Variants in ACADM observed in about 807,000 individuals in gnomAD.
ACADM encodes the protein medium-chain specific acyl-CoA dehydrogenase, mitochondrial.
ACADM carries 49 observed loss-of-function variants against 58.9 expected under a neutral mutation model. That is an observed-to-expected ratio of 0.83 (90% CI 0.66 to 1.06). The LOEUF (loss-of-function observed/expected upper bound fraction) is 1.06. ACADM is among the 50% of genes least tolerant of loss of function. The probability of loss-of-function intolerance (pLI) is 0.00; values close to 1 mark genes in which losing one functional copy is unlikely to be tolerated. For missense variants in ACADM, 496 were observed against 507.0 expected (o/e 0.98, Z 0.21); for synonymous variants, 160 against 157.7 (o/e 1.01, Z -0.11).
chr1:75,728,793 T>G (rs1268714482), intron 2 of ACADM, among the ~76,000 whole-genome samples: 1 of 152,226 alleles, frequency 6.6e-6, no homozygotes, highest in East Asian at 1.9e-4. Context: ...AGTCTTCAAC[T>G]TACATATCTG....
intron 7 of ACADM, among the ~76,000 whole-genome samples, chr1:75,742,764 T>C (rs1481279709): frequency 6.6e-6 from 1 of 152,162 alleles, no homozygotes; most frequent in African/African-American, 2.4e-5. Flanking sequence ...TCTCCTTCTA[T>C]GATGATTACA....
intron 1 of ACADM, among the ~76,000 whole-genome samples, chr1:75,726,675 A>G (rs1647062360): frequency 6.6e-6 from 1 of 152,190 alleles, no homozygotes; most frequent in African/African-American, 2.4e-5. Context: ...AAAGTGGAAT[A>G]AAAGTAATGG....
At chr1:75,726,309 C>T (rs1647055162) in intron 1 of ACADM, among the ~76,000 whole-genome samples, 1 of 148,934 alleles carries the variant, frequency 6.7e-6, no homozygotes, top group African/African-American at 2.5e-5. Flanking sequence ...GCTGAGTCTG[C>T]AGTGAGCGGA....
At chr1:75,734,230 C>T (rs1203928726) in intron 5 of ACADM, among the ~76,000 whole-genome samples, 2 of 144,680 alleles carry the variant, frequency 1.4e-5, no homozygotes, top group Non-Finnish European at 3.0e-5. Context: ...GTGGCGCGAT[C>T]TCAGCTCACT....
chr1:75,759,410 G>A (rs1027142883), intron 10 of ACADM, among the ~76,000 whole-genome samples: 20 of 152,212 alleles, frequency 1.3e-4, no homozygotes, highest in African/African-American at 4.6e-4. Context: ...AAGACAGCAC[G>A]TTGGAGATCC....
intron 1 of ACADM, among the ~76,000 whole-genome samples, chr1:75,726,685 G>A (rs536224859): frequency 1.3e-5 from 2 of 152,112 alleles, no homozygotes; most frequent in African/African-American, 4.8e-5. Context: ...AAAAGTAATG[G>A]CTTAATCCTA....
At chr1:75,728,940 C>T (rs1207279060) in intron 2 of ACADM, among the ~76,000 whole-genome samples, 2 of 152,090 alleles carry the variant, frequency 1.3e-5, no homozygotes, top group Admixed American at 6.6e-5. Context: ...ACTCCTGGGA[C>T]CAGGGAGCCA....
chr1:75,727,373 G>C (rs1647073330), intron 1 of ACADM, among the ~76,000 whole-genome samples: 1 of 152,112 alleles, frequency 6.6e-6, no homozygotes, highest in Non-Finnish European at 1.5e-5. Flanking sequence ...TTCTTCAGCT[G>C]CTCTTTTCTC....
intron 7 of ACADM, chr1:75,744,852 C>A: frequency 2.3e-6 from 1 of 430,254 alleles, no homozygotes; most frequent in Non-Finnish European, 4.3e-6. Context: ...AGATAGCATG[C>A]CCCTTAAAGA....
Position 75,732,685 on chromosome 1 carries a change from A to G in ACADM, c.160A>G (p.Lys54Glu). ...QQKEFQATAR[K>E]FAREEIIPVA... ...GAAAGAATTTCAAGCTACTGCTCGT[A>G]AATTTGCCAGAGAGGAAATCATCCC... Residue 54 changes from lysine (K) to glutamate (E), a missense_variant, in exon 3 of 12, where the codon AAA becomes GAA. Coordinates refer to ENST00000370841, the MANE Select transcript of ACADM (RefSeq NM_000016.6). The G allele has an allele frequency of 6.2e-7, 1 of 1,614,072 alleles. No homozygotes were observed. Among genetic ancestry groups the G allele is most frequent in the Non-Finnish European group, 8.5e-7 (1 of 1,179,954 alleles).
At chr1:75,760,311 A>G (rs1031793583) in intron 10 of ACADM, among the ~76,000 whole-genome samples, 3 of 147,660 alleles carry the variant, frequency 2.0e-5, no homozygotes, top group African/African-American at 5.0e-5. Context: ...ACGCCCAGCT[A>G]CTCGGGAGGC....
rs2100347143 is a variant in ACADM at position 75,728,447 on chromosome 1, A to C, written c.77A>C (p.Lys26Thr). ...SRFHWRSQHT[K>T]ANRQREPGLG... ...TTTCATTGGAGATCACAGCATACAA[A>C]AGCCAATCGACAACGTGAACCAGGA... is the stretch of plus-strand genomic sequence containing the variant. Residue 26 changes from lysine to threonine, a missense_variant, in exon 2 of 12, where the codon AAA (lysine) becomes ACA (threonine). Transcript: ENST00000370841. 6.2e-7 allele frequency: 1 copy of C among 1,613,642 alleles called. No individual in the cohort carries two copies. Among genetic ancestry groups the C allele is most frequent in the African/African-American group, 1.3e-5 (1 of 75,040 alleles).
In ACADM at chr1:75,733,607, T is replaced by G; in HGVS notation, c.366T>G (p.Ala122=). The change falls in exon 5 of 12, where the codon GCT becomes GCG. Residue 122 remains alanine, a synonymous_variant. Coordinates refer to ENST00000370841, the MANE Select transcript of ACADM (RefSeq NM_000016.6). ...LAYGCTGVQT[A]IEGNSLGQMP... ...ATGGATGTACAGGGGTTCAGACTGC[T>G]ATTGAAGGAAATTCTTTGGGGGTAA... The G allele has an allele frequency of 6.2e-7, 1 of 1,613,908 alleles. No homozygotes were observed.
intron 1 of ACADM, among the ~76,000 whole-genome samples, chr1:75,725,217 G>T (rs1175320990): frequency 6.6e-6 from 1 of 150,604 alleles, no homozygotes; most frequent in African/African-American, 2.5e-5. Context: ...GCTTTTCGTT[G>T]TAACGTTTCC....
At chr1:75,737,576 A>G (rs1647340313) in intron 6 of ACADM, among the ~76,000 whole-genome samples, 1 of 151,992 alleles carries the variant, frequency 6.6e-6, no homozygotes, top group South Asian at 2.1e-4. Flanking sequence ...GATGCTGAAT[A>G]CATCAAATCT....
chr1:75,743,922 C>T, intron 7 of ACADM: 1 of 1,499,328 alleles, frequency 6.7e-7, no homozygotes, highest in East Asian at 2.3e-5. Flanking sequence ...CTGAGGCCTT[C>T]ACAGATGCCG....
In ACADM at chr1:75,724,836, G is replaced by A; in HGVS notation, c.30+19G>A. The A allele has an allele frequency of 6.8e-7, 1 of 1,470,924 alleles. No individual in the cohort carries two copies. The highest frequency in any genetic ancestry group is 1.4e-5 in the South Asian group (1 of 71,212). 91.1% of individuals were successfully genotyped at this position (1,470,924 alleles called of 1,614,324 possible). On this transcript the variant is annotated intron_variant, in intron 1 of 11. Transcript: ENST00000370841. The stretch of plus-strand genomic sequence containing the variant: ...CTGCAGGGTGAGAGGGAGCCCAGCG[G>A]TGCGGTGGGGCTGGAACATGGGTAT...
At position 75,732,876 on chromosome 1, in the gene ACADM, A is replaced by G; in HGVS notation, c.240A>G (p.Arg80=). Residue 80 remains arginine, a synonymous_variant, in exon 4 of 12, where the codon AGA becomes AGG. Transcript: ENST00000370841. ...AGTATCCAGTCCCCCTAATTAGAAGAGCCTGGGAACTTGGTTTAATGAACA... is the reference window on the plus strand; with the variant it reads ...AGTATCCAGTCCCCCTAATTAGAAGGGCCTGGGAACTTGGTTTAATGAACA... ...TGEYPVPLIR[R]AWELGLMNTH... 6.2e-7 allele frequency: 1 copy of G among 1,613,896 alleles called. No individual in the cohort carries two copies. The highest frequency in any genetic ancestry group is 8.5e-7 in the Non-Finnish European group (1 of 1,179,810).
rs71071962 is a variant in ACADM, at chr1:75,753,795, CTT to C, written c.945+3267_945+3268del. ...GCACTCTGCAAAATGCTGATAGCTT[CTT>C]TTTTTTTTTTTTTTTTTGAGACAGG... On this transcript the variant is annotated intron_variant, in intron 10 of 11. Coordinates refer to ENST00000370841, the MANE Select transcript of ACADM (RefSeq NM_000016.6). Among the ~76,000 whole-genome samples, 281 of 81,900 alleles carry C rather than the reference CTT, an allele frequency of 3.4e-3. 5 individuals carry two copies. Among genetic ancestry groups the C allele is most frequent in the African/African-American group, 0.012 (200 of 16,472 alleles). 53.7% of individuals were successfully genotyped at this position (81,900 alleles called of 152,430 possible).
Sources: gnomAD v4.1 joint callset for allele counts (sites outside exome capture counted in the v4.1 genomes callset) on GRCh38, gnomAD v4.1.1 for gene constraint, MANE v1.5 for transcripts, NCBI Gene and HGNC (gene_info 2026-07-23, HGNC 2026-07-21) for gene names.